DNAJC1: variants seen among roughly 807,000 people sequenced by gnomAD.
DNAJC1 encodes the protein dnaJ homolog subfamily C member 1.
In DNAJC1, 58 loss-of-function variants were observed where a neutral mutation model predicts 76.6. The observed-to-expected ratio is 0.76, with a 90% CI of 0.61 to 0.94. The LOEUF is 0.94. Among genes scored for constraint, DNAJC1 ranks in the 40% least tolerant of loss-of-function variants. The pLI, the probability that DNAJC1 is intolerant of heterozygous loss-of-function variation, is 0.00. For synonymous variants in DNAJC1, 258 were observed against 267.9 expected, an observed-to-expected ratio of 0.96 and a Z score of 0.36; for missense variants, 689 against 677.3, an observed-to-expected ratio of 1.02 and a Z score of -0.19.
intron 10 of DNAJC1, among the ~76,000 whole-genome samples, chr10:21,765,095 T>C (rs192357148): frequency 4.2e-4 from 64 of 152,354 alleles, no homozygotes; most frequent in Admixed American, 9.8e-4. Flanking sequence ...AGTAGGCTTC[T>C]GTCATATAAC....
rs1270338097 is a variant in DNAJC1, at chr10:21,904,532, T to G, written c.810A>C (p.Glu270Asp). 6.3e-7 allele frequency: 1 copy of G among 1,578,336 alleles called. No individual in the cohort carries two copies. Among genetic ancestry groups the G allele is most frequent in the Admixed American group, 1.8e-5 (1 of 55,260 alleles). Residue 270 changes from glutamate to aspartate, a missense_variant, in exon 7 of 12, where the codon GAA (glutamate) becomes GAC (aspartate). Coordinates refer to ENST00000376980, the MANE Select transcript of DNAJC1 (RefSeq NM_022365.4). ...ATGTTTAAAACTCACTTTGAAGTGT[T>G]TCAAGTTCAGTTCTAGTCAGTGCAT... ...KEDALTRTEL[E>D]TLQKQKKVKK...
intron 1 of DNAJC1, among the ~76,000 whole-genome samples, chr10:21,999,571 C>G (rs1838483354): frequency 6.6e-6 from 1 of 150,470 alleles, no homozygotes; most frequent in Non-Finnish European, 1.5e-5. Context: ...TTCTCTACCT[C>G]AGCCTCCCGA....
At chr10:21,899,302 T>A (rs866362658) in intron 7 of DNAJC1, among the ~76,000 whole-genome samples, 1 of 152,086 alleles carries the variant, frequency 6.6e-6, no homozygotes, top group Non-Finnish European at 1.5e-5. Flanking sequence ...TCTGTACATA[T>A]CCCTAGGAAG....
At chr10:21,874,076 CAAAT>C (rs1836146886) in intron 8 of DNAJC1, among the ~76,000 whole-genome samples, 1 of 152,114 alleles carries the variant, frequency 6.6e-6, no homozygotes, top group South Asian at 2.1e-4. Flanking sequence ...AGCTGATTAA[CAAAT>C]AAATAGTATG....
At chr10:21,942,663 G>A (rs868781815) in intron 1 of DNAJC1, among the ~76,000 whole-genome samples, 4 of 151,804 alleles carry the variant, frequency 2.6e-5, no homozygotes, top group African/African-American at 4.8e-5. Context: ...AAAATTAGCC[G>A]GGTGTGGCGG....
intron 1 of DNAJC1, among the ~76,000 whole-genome samples, chr10:21,974,881 TC>T (rs1219323542): frequency 1.3e-5 from 2 of 152,144 alleles, no homozygotes; most frequent in Non-Finnish European, 2.9e-5. Flanking sequence ...TATGTATACT[TC>T]TTATGTAATA....
chr10:21,879,249 T>C (rs574427117), intron 8 of DNAJC1, among the ~76,000 whole-genome samples: 3 of 152,308 alleles, frequency 2.0e-5, no homozygotes, highest in African/African-American at 7.2e-5. Context: ...ATATTCCAAG[T>C]TCAGGTCCAG....
intron 7 of DNAJC1, among the ~76,000 whole-genome samples, chr10:21,890,145 C>T (rs12268512): frequency 2.7e-5 from 4 of 147,546 alleles, no homozygotes; most frequent in East Asian, 2.1e-4. Context: ...GGTGTGATGG[C>T]TCACACCTGT....
chr10:21,770,474 T>C (rs1232829042), intron 9 of DNAJC1, among the ~76,000 whole-genome samples: 1 of 148,474 alleles, frequency 6.7e-6, no homozygotes, highest in Non-Finnish European at 1.5e-5. Flanking sequence ...CTCGACTCAC[T>C]GCAGCCTCCG....
At chr10:21,945,764 A>C (rs1453945233) in intron 1 of DNAJC1, among the ~76,000 whole-genome samples, 1 of 152,182 alleles carries the variant, frequency 6.6e-6, no homozygotes, top group Non-Finnish European at 1.5e-5. Flanking sequence ...ATCCTTCATC[A>C]GAGGTGTCTG....
At chr10:21,867,534 G>A (rs1401808452) in intron 8 of DNAJC1, among the ~76,000 whole-genome samples, 1 of 152,090 alleles carries the variant, frequency 6.6e-6, no homozygotes, top group Non-Finnish European at 1.5e-5. Flanking sequence ...CGGGAGAATA[G>A]AAAATTTCAG....
At chr10:21,812,679 G>C (rs2666763) in intron 8 of DNAJC1, among the ~76,000 whole-genome samples, 1 of 151,786 alleles carries the variant, frequency 6.6e-6, no homozygotes, top group Non-Finnish European at 1.5e-5. Context: ...TGATCCTCCC[G>C]CCTTGGCCTC....
chr10:21,934,264 A>G (rs1315037842), intron 1 of DNAJC1, among the ~76,000 whole-genome samples: 1 of 151,990 alleles, frequency 6.6e-6, no homozygotes, highest in Non-Finnish European at 1.5e-5. Flanking sequence ...AAAGCTTATA[A>G]GGATATAAAA....
At chr10:21,834,956 C>G (rs1261915291) in intron 8 of DNAJC1, among the ~76,000 whole-genome samples, 2 of 152,232 alleles carry the variant, frequency 1.3e-5, no homozygotes, top group Non-Finnish European at 2.9e-5. Context: ...AAATGTCCCA[C>G]TCTGACACCT....
intron 8 of DNAJC1, among the ~76,000 whole-genome samples, chr10:21,817,593 A>T (rs1835095669): frequency 6.6e-6 from 1 of 152,196 alleles, no homozygotes; most frequent in Non-Finnish European, 1.5e-5. Flanking sequence ...AGTTCATACA[A>T]GAGCCAAATT....
intron 10 of DNAJC1, among the ~76,000 whole-genome samples, chr10:21,765,956 T>A (rs562031973): frequency 2.0e-5 from 3 of 152,318 alleles, no homozygotes; most frequent in African/African-American, 7.2e-5. Flanking sequence ...AGTGTGCACA[T>A]AGCATTTGCG....
chr10:21,917,181 T>C (rs1382263384), intron 6 of DNAJC1, among the ~76,000 whole-genome samples: 1 of 152,142 alleles, frequency 6.6e-6, no homozygotes, highest in Admixed American at 6.5e-5. Context: ...TTCCTCATTT[T>C]TGTATATTTT....
intron 6 of DNAJC1, among the ~76,000 whole-genome samples, chr10:21,907,724 C>T (rs567311680): frequency 6.6e-6 from 1 of 151,936 alleles, no homozygotes; most frequent in South Asian, 2.1e-4. Flanking sequence ...CACCTGCAAT[C>T]CTAGCACTTC....
intron 3 of DNAJC1, among the ~76,000 whole-genome samples, chr10:21,924,468 A>T (rs1261868428): frequency 2.0e-5 from 3 of 152,262 alleles, no homozygotes; most frequent in Middle Eastern, 3.4e-3. Context: ...TTCGTAATAG[A>T]TTTTGAACAA....
Sources: gnomAD v4.1 joint callset for allele counts (sites outside exome capture counted in the v4.1 genomes callset) on GRCh38, gnomAD v4.1.1 for gene constraint, MANE v1.5 for transcripts, NCBI Gene and HGNC (gene_info 2026-07-23, HGNC 2026-07-21) for gene names.